Variants in SLC9A3 observed in about 807,000 individuals in gnomAD.
SLC9A3 encodes the protein sodium/hydrogen exchanger 3.
In SLC9A3, 37 loss-of-function variants were observed where a neutral mutation model predicts 86.8. The observed-to-expected ratio is 0.43, with a 90% CI of 0.33 to 0.56. The LOEUF is 0.56. Ranked by LOEUF, SLC9A3 falls within the 20% of genes least tolerant of loss-of-function variation. SLC9A3 has a pLI of 0.06. For missense variants in SLC9A3, 1,011 were observed against 1,171.9 expected, an observed-to-expected ratio of 0.86 and a Z score of 2.00; for synonymous variants, 581 against 528.3, an observed-to-expected ratio of 1.10 and a Z score of -1.37.
At chr5:476,492 GCCCCACGGGGT>G in intron 12 of SLC9A3, 40 bp downstream of exon 12, 1 of 1,603,254 alleles carries the variant, frequency 6.2e-7, no homozygotes, top group Non-Finnish European at 8.5e-7. Flanking sequence ...CGAGGAAGCC[GCCCCACGGGGT>G]CCCTGCGGGG....
chr5:484,798 G>A (rs1026274680), intron 4 of SLC9A3, 101 bp from the exon 5 acceptor site: 46 of 1,119,954 alleles, frequency 4.1e-5, no homozygotes, highest in Non-Finnish European at 5.3e-5. Context: ...CCCGGGAAAC[G>A]GGGGTGGATC....
At chr5:477,599 G>A in intron 10 of SLC9A3, 155 bp from the exon 11 acceptor site, 2 of 559,626 alleles carry the variant, frequency 3.6e-6, no homozygotes, top group Non-Finnish European at 6.3e-6. Context: ...AGAGGGAGGG[G>A]TGGAAATGCC....
intron 2 of SLC9A3, among the ~76,000 whole-genome samples, chr5:489,288 G>C (rs867883987): frequency 6.6e-6 from 1 of 152,106 alleles, no homozygotes; most frequent in Admixed American, 6.5e-5. Flanking sequence ...ACCAGGAGAC[G>C]CCAGGGCCGT....
At chr5:473,525 G>T in intron 16 of SLC9A3, 143 bp from the exon 17 acceptor site, 2 of 626,742 alleles carry the variant, frequency 3.2e-6, no homozygotes, top group Non-Finnish European at 4.6e-6. Flanking sequence ...GTCCGCTGGG[G>T]CCTCCTCCCA....
intron 5 of SLC9A3, among the ~76,000 whole-genome samples, chr5:484,089 C>T (rs1168824620): frequency 6.6e-6 from 1 of 151,664 alleles, no homozygotes; most frequent in Non-Finnish European, 1.5e-5. Flanking sequence ...GGCTGGCTCA[C>T]CCCGCCGGAC....
At chr5:492,304 G>A (rs1289596266) in intron 1 of SLC9A3, among the ~76,000 whole-genome samples, 5 of 112,304 alleles carry the variant, frequency 4.5e-5, no homozygotes, top group African/African-American at 1.9e-4. Flanking sequence ...CGGCAGAGGA[G>A]GGAGGTCAGG....
Position 482,891 on chromosome 5 carries a change from C to T in SLC9A3, c.1154-141G>A, listed in dbSNP as rs550264513. Reference sequence around the variant, plus strand: ...CCCTAGATACGGCGTCCCCACGCCACGTCCCTCGTCACCATCCACCCGGAG... The same window carrying T: ...CCCTAGATACGGCGTCCCCACGCCATGTCCCTCGTCACCATCCACCCGGAG... On this transcript the variant is annotated intron_variant, in intron 6 of 16. Coordinates refer to ENST00000264938, the MANE Select transcript of SLC9A3 (RefSeq NM_004174.4). The T allele has an allele frequency of 4.6e-4, 305 of 669,544 alleles. 3 individuals are homozygous for T. In the South Asian group the frequency reaches 4.7e-3, roughly 10 times the overall value. 41.5% of individuals were successfully genotyped at this position (669,544 alleles called of 1,614,324 possible).
At chr5:479,697 T>C in intron 10 of SLC9A3, 139 bp downstream of exon 10, 1 of 782,218 alleles carries the variant, frequency 1.3e-6, no homozygotes, top group Non-Finnish European at 2.1e-6. Flanking sequence ...AGAAGGCCCA[T>C]CAGCCTCCCG....
At chr5:509,480 A>G (rs1579819509) in intron 1 of SLC9A3, among the ~76,000 whole-genome samples, 1 of 50,464 alleles carries the variant, frequency 2.0e-5, no homozygotes, top group Non-Finnish European at 3.6e-5. Context: ...GGAAGGAGGG[A>G]GGGAGGGAGG....
chr5:488,595 G>T, intron 2 of SLC9A3, 119 bp from the exon 3 acceptor site: 3 of 1,039,472 alleles, frequency 2.9e-6, no homozygotes, highest in Non-Finnish European at 4.1e-6. Context: ...CGCCGGTGGC[G>T]TGGGGAGCTG....
intron 16 of SLC9A3, among the ~76,000 whole-genome samples, chr5:474,203 A>AG (rs1738571155): frequency 2.0e-5 from 1 of 49,298 alleles, no homozygotes; most frequent in African/African-American, 9.5e-5. Context: ...GAGAGAGAGA[A>AG]CCAGGTTCCG....
chr5:480,744 A>C (rs1009290494), intron 9 of SLC9A3: 2 of 152,256 alleles, frequency 1.3e-5, no homozygotes, highest in Admixed American at 6.5e-5. Context: ...CCACGTGGCC[A>C]CACCTCCCGG....
chr5:512,742 GAGA>G (rs1733594817), intron 1 of SLC9A3, among the ~76,000 whole-genome samples: 1 of 152,202 alleles, frequency 6.6e-6, no homozygotes, highest in African/African-American at 2.4e-5. Flanking sequence ...GGGTGAGCTG[GAGA>G]AGGCCAGGCT....
intron 3 of SLC9A3, among the ~76,000 whole-genome samples, chr5:485,664 TTATCCACGCCCTGG>T (rs1739428583): frequency 1.3e-5 from 2 of 152,240 alleles, no homozygotes; most frequent in Admixed American, 6.5e-5. Context: ...CGGGGAAACC[TTATCCACGCCCTGG>T]GCTCCACGCC....
chr5:472,314 C>A lies in SLC9A3; in HGVS notation c.*1065G>T, dbSNP rs1250555587. On this transcript the variant is annotated 3_prime_UTR_variant, in exon 17 of 17. Coordinates refer to ENST00000264938, the MANE Select transcript of SLC9A3 (RefSeq NM_004174.4). ...ACAGGCTCAGGGGTCTCAGCAGGTT[C>A]TCCTTGGAGGGCCTGAGCCTGGTAG... 2 of 338,194 alleles carry A rather than the reference C, an allele frequency of 5.9e-6. No individual in the cohort carries two copies. Among genetic ancestry groups the A allele is most frequent in the African/African-American group, 4.3e-5 (2 of 46,356 alleles). 20.9% of individuals were successfully genotyped at this position (338,194 alleles called of 1,614,324 possible). A position where few individuals can be genotyped will look rare whatever the true frequency, so the allele number is the denominator to read the frequency against.
At chr5:517,325 C>G (rs950450759) in intron 1 of SLC9A3, among the ~76,000 whole-genome samples, 6 of 151,544 alleles carry the variant, frequency 4.0e-5, no homozygotes, top group African/African-American at 1.5e-4. Flanking sequence ...ATTCACTCAT[C>G]CATCCATGAG....
In SLC9A3 at chr5:520,003, C is replaced by T. The variant is rs936386056; in HGVS notation, c.211+4109G>A. On this transcript the variant is annotated intron_variant, in intron 1 of 16. Transcript: ENST00000264938. ...CAAGATGTGGGGCGGCCTGGGCCTC[C>T]GCCATCACATCCCTCAGCAACACAA... Among the ~76,000 whole-genome samples, 30 of 152,174 alleles carry T rather than the reference C, an allele frequency of 2.0e-4. 1 individual carries two copies. The highest frequency in any genetic ancestry group is 7.0e-4 in the African/African-American group (29 of 41,432).
At chr5:476,749 C>T (rs529971612) in intron 11 of SLC9A3, 77 bp from the exon 12 acceptor site, 348 of 1,550,120 alleles carry the variant, frequency 2.2e-4, no homozygotes, top group African/African-American at 1.7e-3. Flanking sequence ...CTTCCCACGG[C>T]GGGCATCTGG....
chr5:515,149 G>A (rs1182048348), intron 1 of SLC9A3, among the ~76,000 whole-genome samples: 2 of 152,004 alleles, frequency 1.3e-5, no homozygotes, highest in African/African-American at 4.8e-5. Context: ...TCCATGGGGA[G>A]ATTTCTCGGT....
Sources: allele counts gnomAD v4.1 joint callset (sites outside exome capture counted in the v4.1 genomes callset), GRCh38; gene constraint gnomAD v4.1.1; transcripts MANE v1.5; gene names NCBI Gene and HGNC (gene_info 2026-07-23, HGNC 2026-07-21).